The following POLE variants were observed in gnomAD, a reference collection of about 807,000 sequenced individuals.
POLE encodes the protein DNA polymerase epsilon, catalytic subunit, also known as DNA polymerase epsilon catalytic subunit A.
POLE carries 188 observed loss-of-function variants against 279.2 expected under a neutral mutation model. The ratio of observed to expected loss-of-function variants is 0.67; its 90% CI spans 0.60 to 0.76. The LOEUF is 0.76. POLE is among the 30% of genes least tolerant of loss of function. The probability of loss-of-function intolerance (pLI) is 0.00; values close to 1 mark genes in which losing one functional copy is unlikely to be tolerated. For missense variants in POLE, 2,703 were observed against 3,016.7 expected, an observed-to-expected ratio of 0.90 and a Z score of 2.44; for synonymous variants, 1,214 against 1,172.5, an observed-to-expected ratio of 1.04 and a Z score of -0.72.
In POLE at chr12:132,661,207, G is replaced by A. The variant is rs370533508; in HGVS notation, c.2865-43C>T. The A allele has an allele frequency of 1.8e-5, 27 of 1,518,364 alleles. No individual in the cohort carries two copies. Among genetic ancestry groups the A allele is most frequent in the Admixed American group, 1.4e-4 (7 of 49,970 alleles). The allele number at this position is 1,518,364 out of a possible 1,614,324, so 94.1% of individuals were successfully genotyped here. ...GGCAAGCACAGCAGTGGCAAGGAGCGCTGGGGAGCCACCAGCTGTGCCTCA... is the reference window on the plus strand; with the variant it reads ...GGCAAGCACAGCAGTGGCAAGGAGCACTGGGGAGCCACCAGCTGTGCCTCA... On this transcript the variant is annotated intron_variant, in intron 24 of 48. Coordinates refer to ENST00000320574, the MANE Select transcript of POLE (RefSeq NM_006231.4). The surrounding 1 kb of genome is among the most constrained non-coding windows in gnomAD (Gnocchi z 4.1).
In POLE at chr12:132,632,330, G is replaced by C. The variant is rs763695065; in HGVS notation, c.6315C>G (p.Ile2105Met). 1 of 1,613,954 alleles carries C rather than the reference G, an allele frequency of 6.2e-7. No individual in the cohort carries two copies. Among genetic ancestry groups the C allele is most frequent in the Non-Finnish European group, 8.5e-7 (1 of 1,179,832 alleles). The change falls in exon 45 of 49, where the codon ATC (isoleucine) becomes ATG (methionine). Residue 2105 changes from isoleucine to methionine, a missense_variant. By Grantham distance (10) the Ile-to-Met change is conservative. This residue lies in a region of POLE where 1,551 missense variants were observed against 1,686.1 expected (regional missense o/e 0.92). Coordinates refer to ENST00000320574, the MANE Select transcript of POLE (RefSeq NM_006231.4). ...GCACTCTCACCTTGCACACGTATTT[G>C]ATGAACTCCAGGGCAGGGTTATTGA... is the stretch of plus-strand genomic sequence containing the variant. Reference protein sequence around the residue: ...LLLNNPALEFIKYVCKVLSLD... With the variant: ...LLLNNPALEFMKYVCKVLSLD...
chr12:132,676,417 T>C (rs1052987198), intron 9 of POLE, 129 bp downstream of exon 9: 34 of 742,186 alleles, frequency 4.6e-5, no homozygotes, highest in Non-Finnish European at 7.0e-5. Context: ...ACGGCTTGGT[T>C]GCTCCCATTC....
intron 45 of POLE, among the ~76,000 whole-genome samples, chr12:132,627,075 G>A (rs1446914589): frequency 6.6e-6 from 1 of 152,234 alleles, no homozygotes; most frequent in Admixed American, 6.5e-5. Flanking sequence ...GAGGTCAGGA[G>A]TTCAAGACCA....
At position 132,643,313 on chromosome 12, in the gene POLE, A is replaced by C; in HGVS notation, c.4462T>G (p.Tyr1488Asp). Residue 1488 changes from tyrosine to aspartate, a missense_variant, in exon 35 of 49, where the codon TAC (tyrosine) becomes GAC (aspartate). Physicochemically the swap from Tyr to Asp is radical, Grantham distance 160. Coordinates refer to ENST00000320574, the MANE Select transcript of POLE (RefSeq NM_006231.4). ...YLEPGSIRHI[Y>D]LYHHAQAHKA... The stretch of plus-strand genomic sequence containing the variant: ...TGGGCCTGTGCGTGGTGGTACAGGT[A>C]GATATGGCGGATACTCCCTGGAGAA... 1 of 1,614,036 alleles carries C rather than the reference A, an allele frequency of 6.2e-7. No individual in the cohort carries two copies.
chr12:132,641,562 C>T (rs1180649378), intron 39 of POLE, 85 bp downstream of exon 39: 1 of 1,168,210 alleles, frequency 8.6e-7, no homozygotes, highest in Non-Finnish European at 1.2e-6. Context: ...CCCAATGGAC[C>T]CTGTCTTAGA....
At chr12:132,650,907 A>C (rs1593753847) in intron 29 of POLE, 1 of 123,150 alleles carries the variant, frequency 8.1e-6, no homozygotes, top group Non-Finnish European at 1.6e-5. Context: ...ACAGAATCTC[A>C]CTCTGTTGTC....
At chr12:132,679,808 C>T in intron 5 of POLE, 146 bp downstream of exon 5, 2 of 1,002,326 alleles carry the variant, frequency 2.0e-6, no homozygotes, top group Non-Finnish European at 3.0e-6. Flanking sequence ...ACCACTAGAG[C>T]TCTTTGGAAG....
At chr12:132,680,342 T>G in intron 3 of POLE, 120 bp from the exon 4 acceptor site, 1 of 908,480 alleles carries the variant, frequency 1.1e-6, no homozygotes, top group South Asian at 1.4e-5. Context: ...AGCCTTGACC[T>G]TGGTAGCATA....
chr12:132,634,355 T>A lies in POLE; in HGVS notation c.5835A>T (p.Gly1945=), dbSNP rs2041994545. The stretch of plus-strand genomic sequence containing the variant: ...CCTCATTTTCCTGCTCATCCTCTGC[T>A]CCCCCTGCTTTCTGGGAGTCTTGCT... ...CGLQDSQKAG[G]AEDEQENEDD... The change falls in exon 43 of 49, where the codon GGA becomes GGT. Residue 1945 remains glycine (G), a synonymous_variant. Transcript: ENST00000320574. The surrounding 1 kb of genome is among the most constrained non-coding windows in gnomAD (Gnocchi z 4.0). The A allele has an allele frequency of 6.2e-7, 1 of 1,613,276 alleles. No homozygotes were observed. Among genetic ancestry groups the A allele is most frequent in the Non-Finnish European group, 8.5e-7 (1 of 1,179,512 alleles).
At chr12:132,681,304 G>A (rs2136035256) in intron 1 of POLE, 25 bp from the exon 2 acceptor site, 1 of 1,604,736 alleles carries the variant, frequency 6.2e-7, no homozygotes, top group South Asian at 1.1e-5. Context: ...GGAACCCCGT[G>A]CTTAATTTGT....
At position 132,664,051 on chromosome 12, in the gene POLE, T is replaced by C; in HGVS notation, c.2659A>G (p.Lys887Glu). Residue 887 changes from lysine (K) to glutamate (E), a missense_variant, in exon 23 of 49, where the codon AAA (lysine) becomes GAA (glutamate). This residue lies in a region of POLE where 101 missense variants were observed against 115.4 expected (regional missense o/e 0.87). Coordinates refer to ENST00000320574, the MANE Select transcript of POLE (RefSeq NM_006231.4). This position sits in a 1 kb window ranked among gnomAD's most constrained non-coding sequence, Gnocchi z 5.3. Reference sequence around the variant, plus strand: ...GCGCCTGGGTAGGAGATGGTCACTTTGGGCTTCTTCACATTGGTCGTCTTG... The same window carrying C: ...GCGCCTGGGTAGGAGATGGTCACTTCGGGCTTCTTCACATTGGTCGTCTTG... ...VFKTTNVKKPKVTISYPGAML... is the reference protein window; with the variant it reads ...VFKTTNVKKPEVTISYPGAML... 3 of 1,614,224 alleles carry C rather than the reference T, an allele frequency of 1.9e-6. No individual in the cohort carries two copies. The South Asian group carries it at 3.3e-5, about 18-fold the overall frequency.
At chr12:132,633,107 T>G in intron 43 of POLE, 2 of 205,056 alleles carry the variant, frequency 9.8e-6, no homozygotes, top group Non-Finnish European at 1.9e-5. Context: ...GCAGGGCCCC[T>G]GGCATCAGCA....
At chr12:132,645,608 C>A (rs1184310548) in intron 32 of POLE, among the ~76,000 whole-genome samples, 1 of 152,020 alleles carries the variant, frequency 6.6e-6, no homozygotes, top group Non-Finnish European at 1.5e-5. Flanking sequence ...AACAAACAAA[C>A]AAAAAAACCT....
Position 132,643,955 on chromosome 12 carries a change from G to C in POLE, c.4172C>G (p.Ser1391Cys), listed in dbSNP as rs149145495. The change falls in exon 33 of 49, where the codon TCC becomes TGC. Residue 1391 changes from serine (S) to cysteine (C), a missense_variant. Ser to Cys is a moderately radical substitution (Grantham distance 112). Coordinates refer to ENST00000320574, the MANE Select transcript of POLE (RefSeq NM_006231.4). ...YRKVNRVLPR[S>C]NMVYNLYEYS... ...CTCATAGAGATTGTAGACCATGTTG[G>C]AGCGAGGAAGGACCCGATTTACCTG... 26 of 1,613,458 alleles carry C rather than the reference G, an allele frequency of 1.6e-5. No homozygotes were observed. Among genetic ancestry groups the C allele is most frequent in the Non-Finnish European group, 2.2e-5 (26 of 1,179,640 alleles).
rs746085748 is a variant in POLE at position 132,641,805 on chromosome 12, G to A, written c.5220C>T (p.Leu1740=). 18 of 1,604,604 alleles carry A rather than the reference G, an allele frequency of 1.1e-5. No homozygotes were observed. In the African/African-American group the frequency reaches 2.3e-4, roughly 20 times the overall value. Residue 1740 remains leucine (L), a synonymous_variant, in exon 39 of 49, where the codon CTC becomes CTT. Transcript: ENST00000320574. ...DLQNLAVNTI[L]QSHHVNDMEG... ...CCATGTCGTTGACATGGTGAGACTG[G>A]AGAATGGTGTTGACGGCCAGGTTCT... is the stretch of plus-strand genomic sequence containing the variant.
At chr12:132,641,452 C>T (rs1297972896) in intron 39 of POLE, 195 bp downstream of exon 39, 6 of 598,596 alleles carry the variant, frequency 1.0e-5, no homozygotes, top group South Asian at 7.9e-5. Context: ...ACTGAACAGT[C>T]GCCAGGGACC....
chr12:132,652,040 G>T lies in POLE; in HGVS notation c.3583-2151C>A, dbSNP rs547161901. On this transcript the variant is annotated intron_variant, in intron 29 of 48. Coordinates refer to ENST00000320574, the MANE Select transcript of POLE (RefSeq NM_006231.4). ...GTGACTCAGGCCTTTGTTTCATGGT[G>T]ACTTCTGTGCTACATGTAAGTTTGT... Among the ~76,000 whole-genome samples, 15 of 152,318 alleles carry T rather than the reference G, an allele frequency of 9.8e-5. No individual in the cohort carries two copies. In the South Asian group the frequency reaches 2.5e-3, roughly 25 times the overall value.
Position 132,677,456 on chromosome 12 carries a change from C to T in POLE, c.721-13G>A, listed in dbSNP as rs2136018936. The stretch of plus-strand genomic sequence containing the variant: ...TGTACCAATGAGCCTGCAAAACACA[C>T]AGTGTGCTAACTAGAGTTCTACATC... On this transcript the variant is annotated splice_polypyrimidine_tract_variant and intron_variant, in intron 7 of 48. Coordinates refer to ENST00000320574, the MANE Select transcript of POLE (RefSeq NM_006231.4). 1 of 1,612,816 alleles carries T rather than the reference C, an allele frequency of 6.2e-7. No homozygotes were observed. Among genetic ancestry groups the T allele is most frequent in the Non-Finnish European group, 8.5e-7 (1 of 1,178,828 alleles).
intron 27 of POLE, 142 bp from the exon 28 acceptor site, chr12:132,657,571 A>T: frequency 2.7e-6 from 2 of 742,288 alleles, no homozygotes; most frequent in Non-Finnish European, 4.5e-6. Flanking sequence ...CCCATTGCAC[A>T]ACAGAGGACA....
Sources: allele counts gnomAD v4.1 joint callset (sites outside exome capture counted in the v4.1 genomes callset), GRCh38; gene constraint gnomAD v4.1.1; regional missense constraint gnomAD v4.1.1; non-coding constraint Gnocchi (gnomAD v3.1); transcripts MANE v1.5; gene names NCBI Gene and HGNC (gene_info 2026-07-23, HGNC 2026-07-21).